ENOX1: variants seen among roughly 807,000 people sequenced by gnomAD.
ENOX1 encodes the protein ecto-NOX disulfide-thiol exchanger 1, also known as candidate growth-related and time keeping constitutive hydroquinone (NADH) oxidase.
A neutral mutation model predicts 82.5 loss-of-function variants in ENOX1; 42 were observed. That is an observed-to-expected ratio of 0.51 (90% CI 0.40 to 0.66). ENOX1 has a LOEUF of 0.66. Ranked by LOEUF, ENOX1 falls within the 30% of genes least tolerant of loss-of-function variation. The pLI is 0.00. For synonymous variants in ENOX1, 271 were observed against 282.2 expected (o/e 0.96, Z 0.40); for missense variants, 608 against 811.6 (o/e 0.75, Z 3.05).
At chr13:43,486,630 T>C (rs1279077640) in intron 2 of ENOX1, among the ~76,000 whole-genome samples, 1 of 152,160 alleles carries the variant, frequency 6.6e-6, no homozygotes, top group Non-Finnish European at 1.5e-5. Flanking sequence ...ACAACTAGGA[T>C]GTCAAAAACC....
At chr13:43,416,109 C>CGA (rs2054498112) in intron 3 of ENOX1, among the ~76,000 whole-genome samples, 1 of 143,436 alleles carries the variant, frequency 7.0e-6, no homozygotes, top group Non-Finnish European at 1.5e-5. Flanking sequence ...GGCAGAGATG[C>CGA]TCCCCACTTC....
At chr13:43,275,772 C>G (rs968272770) in intron 12 of ENOX1, among the ~76,000 whole-genome samples, 1 of 152,198 alleles carries the variant, frequency 6.6e-6, no homozygotes, top group Non-Finnish European at 1.5e-5. Flanking sequence ...GAGGAAACAA[C>G]AGTAAATAGC....
intron 8 of ENOX1, among the ~76,000 whole-genome samples, chr13:43,355,545 T>C (rs539608901): frequency 3.9e-5 from 6 of 152,338 alleles, no homozygotes; most frequent in African/African-American, 1.4e-4. Context: ...GCACAAATAG[T>C]TGCTGGCTCA....
intron 1 of ENOX1, among the ~76,000 whole-genome samples, chr13:43,731,909 T>C (rs2089370226): frequency 1.3e-5 from 2 of 152,222 alleles, no homozygotes; most frequent in Admixed American, 1.3e-4. Flanking sequence ...AGCTTGCCCC[T>C]GGGCTTGTAA....
chr13:43,739,417 C>T (rs1324783046), intron 1 of ENOX1, among the ~76,000 whole-genome samples: 5 of 152,026 alleles, frequency 3.3e-5, no homozygotes, highest in Non-Finnish European at 7.4e-5. Flanking sequence ...GGCATGGTGG[C>T]ATGCGCCTGT....
At position 43,616,118 on chromosome 13, in the gene ENOX1, ATCTATAGATATCTATCTATCTAGATATC is replaced by A. The variant is rs1566640735; in HGVS notation, c.-219+51333_-219+51360del. 3.0e-4 allele frequency among the ~76,000 whole-genome samples: 2 copies of A among 6,642 alleles called. 1 individual carries two copies. The highest frequency in any genetic ancestry group is 5.6e-3 in the East Asian group (2 of 358). The allele number at this position is 6,642 out of a possible 152,430, so 4.4% of individuals were successfully genotyped here. A position where few individuals can be genotyped will look rare whatever the true frequency, so the allele number is the denominator to read the frequency against. ...TATCTATATAGATAGATATCTATAG[ATCTATAGATATCTATCTATCTAGATATC>A]TATATAGATAGATATCTATCTATCT... On this transcript the variant is annotated intron_variant, in intron 2 of 16. Coordinates refer to ENST00000690772, the MANE Select transcript of ENOX1 (RefSeq NM_001347969.2).
At chr13:43,377,642 T>C (rs1326386256) in intron 5 of ENOX1, among the ~76,000 whole-genome samples, 1 of 152,234 alleles carries the variant, frequency 6.6e-6, no homozygotes, top group Non-Finnish European at 1.5e-5. Context: ...TTTAACCAAG[T>C]ATTATAGGCG....
chr13:43,247,661 C>A (rs1036364136), intron 14 of ENOX1, among the ~76,000 whole-genome samples: 1 of 149,614 alleles, frequency 6.7e-6, no homozygotes, highest in African/African-American at 2.5e-5. Context: ...CCCTTTCCAG[C>A]CTCTTGCACG....
At chr13:43,516,264 T>G (rs1427222147) in intron 2 of ENOX1, among the ~76,000 whole-genome samples, 1 of 152,146 alleles carries the variant, frequency 6.6e-6, no homozygotes, top group African/African-American at 2.4e-5. Context: ...CACTGCCAAC[T>G]GGAGATCAAT....
At chr13:43,726,215 CTTTTT>C (rs112974839) in intron 1 of ENOX1, among the ~76,000 whole-genome samples, 1 of 135,492 alleles carries the variant, frequency 7.4e-6, no homozygotes, top group Non-Finnish European at 1.6e-5. Context: ...AATTTTTCAT[CTTTTT>C]TTTTTTTTTT....
intron 16 of ENOX1, among the ~76,000 whole-genome samples, chr13:43,221,352 C>T (rs149299953): frequency 1.6e-3 from 239 of 152,296 alleles, no homozygotes; most frequent in African/African-American, 3.4e-3. Context: ...TGGGCTGCTT[C>T]GGAGAGACAA....
chr13:43,648,442 G>A (rs1043689552), intron 2 of ENOX1, among the ~76,000 whole-genome samples: 1 of 152,120 alleles, frequency 6.6e-6, no homozygotes, highest in African/African-American at 2.4e-5. Flanking sequence ...ACAGTAGAAA[G>A]TGCTGTGAAG....
intron 13 of ENOX1, among the ~76,000 whole-genome samples, chr13:43,267,567 T>C (rs2044453323): frequency 6.6e-6 from 1 of 152,234 alleles, no homozygotes. Flanking sequence ...GCCACATCTA[T>C]GTGGGCACTG....
chr13:43,651,970 CAAAAAAAAAAA>C (rs35793831), intron 2 of ENOX1, among the ~76,000 whole-genome samples: 1 of 84,108 alleles, frequency 1.2e-5, no homozygotes, highest in East Asian at 4.1e-4. Context: ...AACTTCGTCT[CAAAAAAAAAAA>C]AAAAAAAAAA....
intron 2 of ENOX1, among the ~76,000 whole-genome samples, chr13:43,549,627 A>G (rs1333673620): frequency 2.0e-5 from 3 of 152,238 alleles, no homozygotes; most frequent in Non-Finnish European, 4.4e-5. Flanking sequence ...ACATTGCTGA[A>G]ATTTACCATT....
At chr13:43,312,638 C>T (rs770712840) in intron 11 of ENOX1, among the ~76,000 whole-genome samples, 2 of 152,188 alleles carry the variant, frequency 1.3e-5, no homozygotes, top group African/African-American at 2.4e-5. Context: ...TCCCTATGCA[C>T]TTCACCTCTT....
chr13:43,573,218 T>C (rs2080261609), intron 2 of ENOX1, among the ~76,000 whole-genome samples: 1 of 152,160 alleles, frequency 6.6e-6, no homozygotes, highest in Non-Finnish European at 1.5e-5. Flanking sequence ...CTGCCTCACA[T>C]CCTCATGCTA....
chr13:43,763,420 T>A (rs1951097372), intron 1 of ENOX1, among the ~76,000 whole-genome samples: 1 of 152,198 alleles, frequency 6.6e-6, no homozygotes, highest in African/African-American at 2.4e-5. Context: ...CCTGCCTTCA[T>A]GATCTAATTA....
At chr13:43,636,513 G>C (rs1270477245) in intron 2 of ENOX1, among the ~76,000 whole-genome samples, 1 of 152,096 alleles carries the variant, frequency 6.6e-6, no homozygotes, top group African/African-American at 2.4e-5. Context: ...AAACTCTGTG[G>C]CCCACGAACT....
Sources: gnomAD v4.1 joint callset for allele counts (sites outside exome capture counted in the v4.1 genomes callset) on GRCh38, gnomAD v4.1.1 for gene constraint, MANE v1.5 for transcripts, NCBI Gene and HGNC (gene_info 2026-07-23, HGNC 2026-07-21) for gene names.